Variants in NEBL observed in about 807,000 individuals in gnomAD.
The protein encoded by NEBL is nebulette, also known as LIM and SH3 protein 2.
In NEBL, 122 loss-of-function variants were observed where a neutral mutation model predicts 140.2. The ratio of observed to expected loss-of-function variants is 0.87; its 90% CI spans 0.75 to 1.01. The LOEUF (loss-of-function observed/expected upper bound fraction) is 1.01, where lower values mean the gene tolerates loss of function less well. Among genes scored for constraint, NEBL ranks in the 50% least tolerant of loss-of-function variants. The pLI is 0.00. For synonymous variants in NEBL, 436 were observed against 398.9 expected, an observed-to-expected ratio of 1.09 and a Z score of -1.11; for missense variants, 1,365 against 1,231.3, an observed-to-expected ratio of 1.11 and a Z score of -1.62.
intron 5 of NEBL, among the ~76,000 whole-genome samples, chr10:20,879,215 C>T (rs1166418175): frequency 2.0e-5 from 3 of 152,180 alleles, no homozygotes; most frequent in African/African-American, 7.2e-5. Context: ...AAAGAGCAGA[C>T]TCAGGAGTTT....
At chr10:21,055,463 C>G (rs545946606) in intron 2 of NEBL, among the ~76,000 whole-genome samples, 43 of 152,278 alleles carry the variant, frequency 2.8e-4, no homozygotes, top group Non-Finnish European at 1.6e-4. Flanking sequence ...ACACAAAGAT[C>G]AGGCCACCAA....
intron 2 of NEBL, among the ~76,000 whole-genome samples, chr10:21,146,990 A>G (rs1032682723): frequency 1.3e-5 from 2 of 152,184 alleles, no homozygotes; most frequent in Non-Finnish European, 2.9e-5. Context: ...CCTCCCTGCC[A>G]TAACGCCTCT....
chr10:21,010,719 G>A (rs551894891), intron 3 of NEBL, among the ~76,000 whole-genome samples: 2 of 152,320 alleles, frequency 1.3e-5, no homozygotes, highest in South Asian at 4.1e-4. Flanking sequence ...AATATCTACT[G>A]AGCTAATTAG....
At chr10:20,969,200 G>A (rs1223471401) in intron 3 of NEBL, among the ~76,000 whole-genome samples, 1 of 152,054 alleles carries the variant, frequency 6.6e-6, no homozygotes. Context: ...TTTAGCAAAT[G>A]TTAAGTCAAA....
chr10:20,952,904 C>CAAAAAAAAAAAA (rs34713711), intron 4 of NEBL, among the ~76,000 whole-genome samples: 1 of 62,330 alleles, frequency 1.6e-5, no homozygotes, highest in African/African-American at 7.2e-5. Context: ...GACCCTGTCT[C>CAAAAAAAAAAAA]AAAAAAAAAA....
At chr10:20,907,388 C>T (rs1340291) in intron 4 of NEBL, among the ~76,000 whole-genome samples, 112,150 of 152,010 alleles carry the variant, frequency 0.74, 41,660 homozygotes, top group African/African-American at 0.82. Flanking sequence ...AATGAAATGA[C>T]GTAAAGTCCC....
upstream of NEBL, among the ~76,000 whole-genome samples, chr10:20,902,142 G>A (rs1250922076): frequency 2.0e-5 from 3 of 152,064 alleles, no homozygotes; most frequent in Non-Finnish European, 4.4e-5. Flanking sequence ...GGTGGCTCAC[G>A]CTTGTAATCC....
intron 2 of NEBL, among the ~76,000 whole-genome samples, chr10:21,118,590 G>A (rs1184457031): frequency 6.6e-6 from 1 of 151,804 alleles, no homozygotes; most frequent in Non-Finnish European, 1.5e-5. Flanking sequence ...GGCTAAATGA[G>A]CATTAAAAAT....
intron 2 of NEBL, among the ~76,000 whole-genome samples, chr10:21,143,140 C>T (rs1324009191): frequency 1.3e-5 from 2 of 151,990 alleles, no homozygotes; most frequent in African/African-American, 4.8e-5. Flanking sequence ...TAAACATGTT[C>T]AAAGGGAGGT....
intron 2 of NEBL, chr10:21,126,145 T>C: frequency 6.3e-7 from 1 of 1,591,294 alleles, no homozygotes; most frequent in Non-Finnish European, 8.6e-7. Context: ...AGTGCAGCTG[T>C]CCGTTCTTCA....
At chr10:21,274,067 T>C (rs1244843987) in intron 1 of NEBL, among the ~76,000 whole-genome samples, 1 of 152,170 alleles carries the variant, frequency 6.6e-6, no homozygotes, top group Non-Finnish European at 1.5e-5. Flanking sequence ...CATGAGTAGG[T>C]TATAAAACAT....
intron 3 of NEBL, among the ~76,000 whole-genome samples, chr10:21,196,735 G>A (rs1841658600): frequency 6.6e-6 from 1 of 152,128 alleles, no homozygotes; most frequent in Non-Finnish European, 1.5e-5. Flanking sequence ...ACACTACTCA[G>A]CTTGTATGCA....
At chr10:20,976,596 A>T (rs926960521) in intron 3 of NEBL, among the ~76,000 whole-genome samples, 5 of 152,232 alleles carry the variant, frequency 3.3e-5, no homozygotes, top group Non-Finnish European at 5.9e-5. Flanking sequence ...GCCATAAAAA[A>T]TAATAAGATC....
chr10:21,215,786 G>C (rs1841983211), intron 3 of NEBL, among the ~76,000 whole-genome samples: 1 of 152,104 alleles, frequency 6.6e-6, no homozygotes, highest in Non-Finnish European at 1.5e-5. Context: ...TCAGCCTCTT[G>C]AGTAAATGGG....
In NEBL at chr10:20,940,125, A is replaced by C. The variant is rs183347239; in HGVS notation, c.357+21547T>G. Among the ~76,000 whole-genome samples, 47 of 152,264 alleles carry C rather than the reference A, an allele frequency of 3.1e-4. No individual in the cohort carries two copies. The East Asian group carries it at 6.0e-3, about 19-fold the overall frequency. On this transcript the variant is annotated intron_variant, in intron 4 of 6. Coordinates refer to the NEBL transcript ENST00000417816. ...AGAACTCTCCACCCCAAATCAACAG[A>C]ATATACATTCTTCTCAGCATCACAC... is the stretch of plus-strand genomic sequence containing the variant.
At chr10:21,246,912 T>C (rs528894023) in intron 3 of NEBL, among the ~76,000 whole-genome samples, 1 of 152,240 alleles carries the variant, frequency 6.6e-6, no homozygotes, top group Non-Finnish European at 1.5e-5. Context: ...TCACGTCAAA[T>C]TGTAATTCCC....
At chr10:20,946,421 G>T (rs1030469266) in intron 4 of NEBL, among the ~76,000 whole-genome samples, 2 of 152,126 alleles carry the variant, frequency 1.3e-5, no homozygotes, top group Non-Finnish European at 2.9e-5. Context: ...TCTTGAGCCA[G>T]GAGTAGCTAC....
At chr10:20,844,672 G>A (rs2131001666) in intron 12 of NEBL, among the ~76,000 whole-genome samples, 1 of 151,944 alleles carries the variant, frequency 6.6e-6, no homozygotes, top group East Asian at 1.9e-4. Flanking sequence ...GTGGACATGA[G>A]TTCCTCTATT....
chr10:20,879,036 G>A (rs891446604), intron 5 of NEBL, among the ~76,000 whole-genome samples: 9 of 152,090 alleles, frequency 5.9e-5, no homozygotes, highest in African/African-American at 9.7e-5. Context: ...TGTGAATTTC[G>A]TCTCTTCAGT....
Sources: allele counts gnomAD v4.1 joint callset (sites outside exome capture counted in the v4.1 genomes callset), GRCh38; gene constraint gnomAD v4.1.1; transcripts MANE v1.5; gene names NCBI Gene and HGNC (gene_info 2026-07-23, HGNC 2026-07-21).